The following TOGARAM1 variants were observed in gnomAD, a reference collection of about 807,000 sequenced individuals.
TOGARAM1 encodes the protein TOG array regulator of axonemal microtubules protein 1.
Under a neutral mutation model 166.6 loss-of-function variants are expected in TOGARAM1, and 100 were observed. The ratio of observed to expected loss-of-function variants is 0.60; its 90% CI spans 0.51 to 0.71. TOGARAM1 has a LOEUF of 0.71. Ranked by LOEUF, TOGARAM1 falls within the 30% of genes least tolerant of loss-of-function variation. The probability of loss-of-function intolerance (pLI) is 0.00; values close to 1 mark genes in which losing one functional copy is unlikely to be tolerated. For missense variants in TOGARAM1, 2,029 were observed against 2,102.7 expected (o/e 0.96, Z 0.69); for synonymous variants, 758 against 763.8 (o/e 0.99, Z 0.13).
chr14:44,990,924 C>T (rs1197661184), intron 1 of TOGARAM1, among the ~76,000 whole-genome samples: 1 of 141,578 alleles, frequency 7.1e-6, no homozygotes, highest in Non-Finnish European at 1.5e-5. Context: ...GCAGGGATTA[C>T]AGGTGTGAGC....
At chr14:45,002,962 G>C (rs978668545) in intron 3 of TOGARAM1, among the ~76,000 whole-genome samples, 1 of 152,100 alleles carries the variant, frequency 6.6e-6, no homozygotes, top group African/African-American at 2.4e-5. Context: ...CTGGGCGACA[G>C]AGCGAGACTC....
chr14:45,032,319 T>A lies in TOGARAM1; in HGVS notation c.3755T>A (p.Phe1252Tyr). 6.2e-7 allele frequency: 1 copy of A among 1,614,070 alleles called. No homozygotes were observed. The highest frequency in any genetic ancestry group is 8.5e-7 in the Non-Finnish European group (1 of 1,179,982). ...ATGGATCTGTCAGAACTACGACCAT[T>A]CTCTAAACCAGAAATAGCACTGACA... The part of the protein sequence containing the change: ...EIMDLSELRP[F>Y]SKPEIALTEA... Residue 1252 changes from phenylalanine (F) to tyrosine (Y), a missense_variant, in exon 11 of 20, where the codon TTC becomes TAC. By Grantham distance (22) the Phe-to-Tyr change is conservative. Coordinates refer to ENST00000361462, the MANE Select transcript of TOGARAM1 (RefSeq NM_001308120.2).
chr14:45,032,114 C>T (rs777198312), intron 10 of TOGARAM1, 109 bp from the exon 11 acceptor site: 15 of 922,824 alleles, frequency 1.6e-5, no homozygotes, highest in Admixed American at 3.0e-5. Context: ...GAGCTAAGAT[C>T]GTACTACTGC....
At chr14:44,979,019 A>G (rs1158678133) in intron 1 of TOGARAM1, among the ~76,000 whole-genome samples, 1 of 151,408 alleles carries the variant, frequency 6.6e-6, no homozygotes, top group Non-Finnish European at 1.5e-5. Flanking sequence ...TGGACAAAAT[A>G]GAAATAACAG....
chr14:45,025,693 G>C (rs912908011), intron 7 of TOGARAM1, 90 bp from the exon 8 acceptor site: 17 of 676,366 alleles, frequency 2.5e-5, no homozygotes, highest in Non-Finnish European at 3.3e-5. Flanking sequence ...TAAATTTTCA[G>C]TTTTAAAAGA....
chr14:45,068,652 T>G lies in TOGARAM1; in HGVS notation c.4969+9T>G. The G allele has an allele frequency of 3.2e-6, 5 of 1,557,348 alleles. No individual in the cohort carries two copies. Among genetic ancestry groups the G allele is most frequent in the Non-Finnish European group, 4.4e-6 (5 of 1,148,698 alleles). On this transcript the variant is annotated intron_variant, in intron 18 of 19. Transcript: ENST00000361462. The stretch of plus-strand genomic sequence containing the variant: ...ACTGAGTCAGCATGTAGGTAAGAAA[T>G]CTTACTTCGGCACTCAAATTATTTT...
rs759979262 is a variant in TOGARAM1 at position 45,028,223 on chromosome 14, G to A, written c.3552G>A (p.Lys1184=). 6.3e-7 allele frequency: 1 copy of A among 1,593,854 alleles called. No homozygotes were observed. Among genetic ancestry groups the A allele is most frequent in the Admixed American group, 1.8e-5 (1 of 54,214 alleles). ...CTACTTATAACAAGATGAGACAAAAGAGAAAAGAAGAGAAAGAACTGTTTC... is the reference window on the plus strand; with the variant it reads ...CTACTTATAACAAGATGAGACAAAAAAGAAAAGAAGAGAAAGAACTGTTTC... ...SKSTYNKMRQ[K]RKEEKELFHN... is the part of the protein sequence containing the mutation. The change falls in exon 10 of 20, where the codon AAG becomes AAA. Residue 1184 remains lysine (K), a synonymous_variant. Transcript: ENST00000361462.
chr14:45,012,415 A>G (rs148461919), intron 7 of TOGARAM1, among the ~76,000 whole-genome samples: 2 of 152,316 alleles, frequency 1.3e-5, no homozygotes, highest in East Asian at 3.9e-4. Context: ...AATGTGCAGC[A>G]TAGTTTGGGA....
rs558832069 is a variant in TOGARAM1 at position 45,054,279 on chromosome 14, T to C, written c.4441-152T>C. 1.2e-5 allele frequency: 6 copies of C among 497,058 alleles called. No homozygotes were observed. In the South Asian group the frequency reaches 2.1e-4, roughly 17 times the overall value. The allele number at this position is 497,058 out of a possible 1,614,324, so 30.8% of individuals were successfully genotyped here. The stretch of plus-strand genomic sequence containing the variant: ...ATTTACTGCTAACTACAAGGTGTTT[T>C]ATGTATCTCATACTCTTTAAAGCAT... On this transcript the variant is annotated intron_variant, in intron 15 of 19. Coordinates refer to ENST00000361462, the MANE Select transcript of TOGARAM1 (RefSeq NM_001308120.2).
chr14:45,013,941 C>T (rs183617369), intron 7 of TOGARAM1, among the ~76,000 whole-genome samples: 4 of 151,920 alleles, frequency 2.6e-5, no homozygotes, highest in East Asian at 1.9e-4. Context: ...TGACCCTAGT[C>T]GTGTGACCTT....
At chr14:44,976,992 A>G (rs1239950381) in intron 1 of TOGARAM1, among the ~76,000 whole-genome samples, 1 of 152,204 alleles carries the variant, frequency 6.6e-6, no homozygotes, top group South Asian at 2.1e-4. Flanking sequence ...ATTGCTAACG[A>G]TTAAAAGCAG....
At position 45,040,982 on chromosome 14, in the gene TOGARAM1, T is replaced by C. The variant is rs1384952028; in HGVS notation, c.3813-2704T>C. 2.6e-5 allele frequency among the ~76,000 whole-genome samples: 4 copies of C among 152,120 alleles called. No individual in the cohort carries two copies. The South Asian group carries it at 8.3e-4, about 31-fold the overall frequency. The stretch of plus-strand genomic sequence containing the variant: ...TGAACCCAGGAGCAGAAGGTTGCAG[T>C]GAGATGAGATCGCACCACTGCACTC... On this transcript the variant is annotated intron_variant, in intron 11 of 19. Coordinates refer to ENST00000361462, the MANE Select transcript of TOGARAM1 (RefSeq NM_001308120.2).
intron 16 of TOGARAM1, among the ~76,000 whole-genome samples, chr14:45,060,004 C>G (rs981885594): frequency 2.0e-5 from 3 of 149,722 alleles, no homozygotes; most frequent in Non-Finnish European, 4.4e-5. Flanking sequence ...GCTCCGTCTC[C>G]CAGGTTCATG....
chr14:45,011,722 G>T (rs1208650184), intron 6 of TOGARAM1, among the ~76,000 whole-genome samples: 1 of 151,512 alleles, frequency 6.6e-6, no homozygotes, highest in Non-Finnish European at 1.5e-5. Flanking sequence ...GAGTAATTAA[G>T]AATTGGCCAT....
chr14:45,054,587 C>A lies in TOGARAM1; in HGVS notation c.4559+38C>A, dbSNP rs367841074. On this transcript the variant is annotated intron_variant, in intron 16 of 19. Coordinates refer to ENST00000361462, the MANE Select transcript of TOGARAM1 (RefSeq NM_001308120.2). ...AATAGTCCTCATCAGAGAAATTACTCCCTTGTGATAGTAGTCTCATTTGGA... is the reference window on the plus strand; with the variant it reads ...AATAGTCCTCATCAGAGAAATTACTACCTTGTGATAGTAGTCTCATTTGGA... 28 of 1,393,542 alleles carry A rather than the reference C, an allele frequency of 2.0e-5. No individual in the cohort carries two copies. The African/African-American group carries it at 3.0e-4, about 15-fold the overall frequency. The allele number at this position is 1,393,542 out of a possible 1,614,324, so 86.3% of individuals were successfully genotyped here.
Position 44,987,313 on chromosome 14 carries a change from A to G in TOGARAM1, c.2047-8433A>G, listed in dbSNP as rs904763255. Among the ~76,000 whole-genome samples, 7 of 152,308 alleles carry G rather than the reference A, an allele frequency of 4.6e-5. No individual in the cohort carries two copies. The East Asian group carries it at 7.7e-4, about 17-fold the overall frequency. Reference sequence around the variant, plus strand: ...GTAAAAGAAACTACTATCAGAGTGAATAGGCAACCTACAGAATGGAGAAAA... The same window carrying G: ...GTAAAAGAAACTACTATCAGAGTGAGTAGGCAACCTACAGAATGGAGAAAA... On this transcript the variant is annotated intron_variant, in intron 1 of 19. Coordinates refer to ENST00000361462, the MANE Select transcript of TOGARAM1 (RefSeq NM_001308120.2).
chr14:45,044,309 T>A (rs147599603), intron 12 of TOGARAM1, among the ~76,000 whole-genome samples: 40 of 152,122 alleles, frequency 2.6e-4, no homozygotes, highest in Non-Finnish European at 5.4e-4. Context: ...CACGCCCGGT[T>A]TAAGATACGT....
intron 14 of TOGARAM1, among the ~76,000 whole-genome samples, chr14:45,050,170 T>A (rs1882291309): frequency 6.6e-6 from 1 of 152,226 alleles, no homozygotes; most frequent in Non-Finnish European, 1.5e-5. Context: ...TTATTCTGGT[T>A]GTGGAGAAAG....
rs372992496 is a variant in TOGARAM1 at position 45,028,337 on chromosome 14, G to T, written c.3658+8G>T. 1 of 1,579,854 alleles carries T rather than the reference G, an allele frequency of 6.3e-7. No individual in the cohort carries two copies. Among genetic ancestry groups the T allele is most frequent in the African/African-American group, 1.4e-5 (1 of 72,218 alleles). Reference sequence around the variant, plus strand: ...AGAAAATGGCATCTGAAAGTAAGTGGAATTTAAGTTTTGGTATTTTTTTTT... The same window carrying T: ...AGAAAATGGCATCTGAAAGTAAGTGTAATTTAAGTTTTGGTATTTTTTTTT... On this transcript the variant is annotated splice_region_variant and intron_variant, in intron 10 of 19. Coordinates refer to ENST00000361462, the MANE Select transcript of TOGARAM1 (RefSeq NM_001308120.2).
Sources: gnomAD v4.1 joint callset for allele counts (sites outside exome capture counted in the v4.1 genomes callset) on GRCh38, gnomAD v4.1.1 for gene constraint, MANE v1.5 for transcripts, NCBI Gene and HGNC (gene_info 2026-07-23, HGNC 2026-07-21) for gene names.